Variants in VIT observed in about 807,000 individuals in gnomAD.
The protein encoded by VIT is vitrin.
A neutral mutation model predicts 78.0 loss-of-function variants in VIT; 99 were observed. The ratio of observed to expected loss-of-function variants is 1.27; its 90% CI spans 1.08 to 1.50. VIT has a LOEUF of 1.50. VIT is among the 40% of genes most tolerant of loss of function. VIT has a pLI of 0.00. For synonymous variants in VIT, 374 were observed against 334.3 expected, an observed-to-expected ratio of 1.12 and a Z score of -1.29; for missense variants, 1,126 against 875.3, an observed-to-expected ratio of 1.29 and a Z score of -3.61.
intron 2 of VIT, among the ~76,000 whole-genome samples, chr2:36,727,967 C>T (rs1381839806): frequency 2.6e-5 from 4 of 152,156 alleles, no homozygotes; most frequent in African/African-American, 7.2e-5. Context: ...CTCACTCTGT[C>T]GCCCAGGCTG....
At position 36,728,830 on chromosome 2, in the gene VIT, G is replaced by GAAAAAAAA. The variant is rs1220922203; in HGVS notation, c.53-590_53-589insAAAAAAAA. Among the ~76,000 whole-genome samples the GAAAAAAAA allele has an allele frequency of 1.9e-4, 4 of 20,706 alleles. 2 individuals are homozygous for GAAAAAAAA. Among genetic ancestry groups the GAAAAAAAA allele is most frequent in the Non-Finnish European group, 4.6e-4 (4 of 8,710 alleles). The allele number at this position is 20,706 out of a possible 152,430, so 13.6% of individuals were successfully genotyped here. ...TCCGTCTCAAAAAAAAAAAAAAAAA[G>GAAAAAAAA]AAAAAAGAAAAAATATTTTTTATAA... is the stretch of plus-strand genomic sequence containing the variant. On this transcript the variant is annotated intron_variant, in intron 2 of 15. Coordinates refer to ENST00000379242, the MANE Select transcript of VIT (RefSeq NM_053276.4).
At chr2:36,734,368 A>T (rs187502309) in intron 3 of VIT, among the ~76,000 whole-genome samples, 1 of 152,080 alleles carries the variant, frequency 6.6e-6, no homozygotes, top group Non-Finnish European at 1.5e-5. Flanking sequence ...AGGAGAAGGT[A>T]GTTTGGTAGT....
intron 2 of VIT, among the ~76,000 whole-genome samples, chr2:36,719,998 T>C (rs1173038653): frequency 4.6e-5 from 7 of 152,154 alleles, no homozygotes; most frequent in Non-Finnish European, 1.0e-4. Flanking sequence ...AATGGAAAGA[T>C]ATTCCATGTT....
intron 12 of VIT, 29 bp from the exon 13 acceptor site, chr2:36,801,272 A>G (rs992189882): frequency 1.9e-6 from 3 of 1,575,230 alleles, no homozygotes; most frequent in African/African-American, 2.7e-5. Flanking sequence ...CTTTGCAGCT[A>G]ATTTGTATTT....
At chr2:36,701,642 C>T (rs1665064467) in intron 1 of VIT, among the ~76,000 whole-genome samples, 1 of 152,174 alleles carries the variant, frequency 6.6e-6, no homozygotes, top group Non-Finnish European at 1.5e-5. Flanking sequence ...TACCTATGCC[C>T]TCGGGGGAAC....
Position 36,764,756 on chromosome 2 carries a change from A to C in VIT, c.488-2338A>C, listed in dbSNP as rs532292126. Among the ~76,000 whole-genome samples the C allele has an allele frequency of 3.3e-5, 5 of 152,268 alleles. No homozygotes were observed. In the South Asian group the frequency reaches 1.0e-3, roughly 32 times the overall value. On this transcript the variant is annotated intron_variant, in intron 6 of 15. Transcript: ENST00000379242. ...GATTCCTGCAAAAGACGGCAGAGTC[A>C]GGGTGGGGAAATGAGCAGGTGCTGC...
intron 9 of VIT, among the ~76,000 whole-genome samples, chr2:36,779,615 C>A (rs1282180001): frequency 1.3e-5 from 2 of 152,156 alleles, no homozygotes; most frequent in Non-Finnish European, 2.9e-5. Flanking sequence ...CTGATGCTCT[C>A]CCTCCTCCCA....
intron 2 of VIT, among the ~76,000 whole-genome samples, chr2:36,717,680 G>A (rs771963042): frequency 1.3e-5 from 2 of 152,170 alleles, no homozygotes; most frequent in Non-Finnish European, 2.9e-5. Flanking sequence ...CTTCCATTAA[G>A]CTTGGCCCCA....
chr2:36,771,056 A>T (rs145130838), intron 7 of VIT, among the ~76,000 whole-genome samples: 2 of 152,166 alleles, frequency 1.3e-5, no homozygotes, highest in Non-Finnish European at 2.9e-5. Context: ...CCTTACCAAC[A>T]CTCATCTCAC....
At position 36,805,635 on chromosome 2, in the gene VIT, T is replaced by G; in HGVS notation, c.1360T>G (p.Tyr454Asp). 1 of 1,614,058 alleles carries G rather than the reference T, an allele frequency of 6.2e-7. No homozygotes were observed. Among genetic ancestry groups the G allele is most frequent in the Non-Finnish European group, 8.5e-7 (1 of 1,179,972 alleles). The change falls in exon 14 of 16, where the codon TAT (tyrosine) becomes GAT (aspartate). Residue 454 changes from tyrosine to aspartate, a missense_variant. By Grantham distance (160) the Tyr-to-Asp change is radical. Transcript: ENST00000379242. ...IEGAAENEKQ[Y>D]VVEPNFANKA... ...AGGTGCTGCTGAAAATGAGAAGCAGTATGTGGTGGAGCCCAACTTTGCAAA... is the reference window on the plus strand; with the variant it reads ...AGGTGCTGCTGAAAATGAGAAGCAGGATGTGGTGGAGCCCAACTTTGCAAA...
intron 3 of VIT, among the ~76,000 whole-genome samples, chr2:36,742,507 C>G (rs1353207686): frequency 6.6e-6 from 1 of 152,090 alleles, no homozygotes. Flanking sequence ...ATGTTTTTGA[C>G]CTGTCTTCCC....
Position 36,723,242 on chromosome 2 carries a change from G to T in VIT, c.53-6184G>T, listed in dbSNP as rs111505601. Reference sequence around the variant, plus strand: ...TGTTGGCGTGTTTTCAACATTTTATGATTTCCAGATCCATTAGAAATAATG... The same window carrying T: ...TGTTGGCGTGTTTTCAACATTTTATTATTTCCAGATCCATTAGAAATAATG... On this transcript the variant is annotated intron_variant, in intron 2 of 15. Coordinates refer to ENST00000379242, the MANE Select transcript of VIT (RefSeq NM_053276.4). Among the ~76,000 whole-genome samples, 1,068 of 152,128 alleles carry T rather than the reference G, an allele frequency of 7.0e-3. 13 individuals carry two copies. Among genetic ancestry groups the T allele is most frequent in the African/African-American group, 0.025 (1,030 of 41,532 alleles).
intron 2 of VIT, among the ~76,000 whole-genome samples, chr2:36,727,227 G>A (rs1304545905): frequency 2.0e-5 from 3 of 152,040 alleles, no homozygotes; most frequent in African/African-American, 7.2e-5. Context: ...TTCCCAGACA[G>A]CCTCTCTTCT....
At chr2:36,759,649 C>T (rs1558546774) in intron 6 of VIT, 2 of 990,036 alleles carry the variant, frequency 2.0e-6, no homozygotes, top group East Asian at 2.2e-4. Context: ...TGATTTCCCA[C>T]ACAAAGAGAA....
At chr2:36,800,768 T>A (rs1250131286) in intron 12 of VIT, among the ~76,000 whole-genome samples, 1 of 152,224 alleles carries the variant, frequency 6.6e-6, no homozygotes, top group Non-Finnish European at 1.5e-5. Context: ...AAATAGATGT[T>A]GACCTTCTAG....
intron 14 of VIT, among the ~76,000 whole-genome samples, chr2:36,807,903 C>T (rs1666846671): frequency 6.6e-6 from 1 of 152,138 alleles, no homozygotes; most frequent in Non-Finnish European, 1.5e-5. Context: ...GTTATGATTC[C>T]ACCTTGTAGG....
chr2:36,801,623 C>T (rs548156503), intron 13 of VIT, among the ~76,000 whole-genome samples: 4 of 152,246 alleles, frequency 2.6e-5, no homozygotes, highest in Admixed American at 6.5e-5. Flanking sequence ...GCCTGGCCAG[C>T]ATGGTTAAAC....
At chr2:36,804,095 C>G (rs1157960167) in intron 13 of VIT, among the ~76,000 whole-genome samples, 1 of 152,302 alleles carries the variant, frequency 6.6e-6, no homozygotes, top group African/African-American at 2.4e-5. Flanking sequence ...TTTCCTGAAG[C>G]CCTTCTCAGT....
chr2:36,778,973 A>G (rs1027084568), intron 9 of VIT, among the ~76,000 whole-genome samples: 1 of 152,230 alleles, frequency 6.6e-6, no homozygotes, highest in South Asian at 2.1e-4. Flanking sequence ...CCAAAGGGCC[A>G]TGTTTGCAGC....
Sources: allele counts gnomAD v4.1 joint callset (sites outside exome capture counted in the v4.1 genomes callset), GRCh38; gene constraint gnomAD v4.1.1; transcripts MANE v1.5; gene names NCBI Gene and HGNC (gene_info 2026-07-23, HGNC 2026-07-21).